SEM1: variants seen among roughly 807,000 people sequenced by gnomAD.
SEM1 encodes SEM1 26S proteasome subunit.
SEM1 carries 3 observed loss-of-function variants against 12.7 expected under a neutral mutation model. The ratio of observed to expected loss-of-function variants is 0.24; its 90% CI spans 0.11 to 0.61. The LOEUF is 0.61. Among genes scored for constraint, SEM1 ranks in the 20% least tolerant of loss-of-function variants. The pLI, the probability that SEM1 is intolerant of heterozygous loss-of-function variation, is 0.88. For missense variants in SEM1, 59 were observed against 81.3 expected, an observed-to-expected ratio of 0.73 and a Z score of 1.06; for synonymous variants, 30 against 27.8, an observed-to-expected ratio of 1.08 and a Z score of -0.25.
intron 2 of SEM1, among the ~76,000 whole-genome samples, chr7:96,511,392 G>C (rs1212020972): frequency 2.6e-5 from 4 of 152,108 alleles, no homozygotes; most frequent in East Asian, 3.9e-4. Context: ...TTCCAAGAGA[G>C]AGATTCTTTT....
chr7:96,526,629 C>T (rs999943496), intron 2 of SEM1, among the ~76,000 whole-genome samples: 27 of 152,064 alleles, frequency 1.8e-4, no homozygotes, highest in African/African-American at 6.3e-4. Context: ...CCAAACAGTG[C>T]CTTCCTTGAT....
intron 2 of SEM1, among the ~76,000 whole-genome samples, chr7:96,637,536 C>A (rs1429132346): frequency 6.6e-6 from 1 of 151,992 alleles, no homozygotes; most frequent in African/African-American, 2.4e-5. Context: ...TCTCTTTAAA[C>A]TTTACTTTTA....
At chr7:96,693,906 G>C (rs927133836) in intron 2 of SEM1, among the ~76,000 whole-genome samples, 5 of 151,780 alleles carry the variant, frequency 3.3e-5, no homozygotes, top group African/African-American at 1.2e-4. Flanking sequence ...GAAACAGTCT[G>C]AATGTCCATC....
At chr7:96,650,782 T>A (rs936050798) in intron 2 of SEM1, among the ~76,000 whole-genome samples, 2 of 152,158 alleles carry the variant, frequency 1.3e-5, no homozygotes, top group Admixed American at 6.5e-5. Context: ...TCTCTCTTTT[T>A]TAAATATCTT....
At chr7:96,653,542 A>C (rs1406242244) in intron 2 of SEM1, among the ~76,000 whole-genome samples, 1 of 152,218 alleles carries the variant, frequency 6.6e-6, no homozygotes, top group African/African-American at 2.4e-5. Context: ...AGCAATGGGA[A>C]GAGGAATGGC....
intron 2 of SEM1, among the ~76,000 whole-genome samples, chr7:96,511,756 T>A (rs1803941523): frequency 6.6e-6 from 1 of 152,122 alleles, no homozygotes; most frequent in Admixed American, 6.6e-5. Flanking sequence ...AAAATGGACA[T>A]TACTTTTTTT....
chr7:96,617,434 T>A (rs1807754411), intron 2 of SEM1, among the ~76,000 whole-genome samples: 1 of 152,208 alleles, frequency 6.6e-6, no homozygotes. Flanking sequence ...CTAATAATTT[T>A]CTAGTAGAGT....
At chr7:96,616,787 C>T (rs1807735151) in intron 2 of SEM1, among the ~76,000 whole-genome samples, 1 of 152,098 alleles carries the variant, frequency 6.6e-6, no homozygotes, top group Non-Finnish European at 1.5e-5. Context: ...TTTCCCAGCA[C>T]CATTTATTGA....
intron 2 of SEM1, among the ~76,000 whole-genome samples, chr7:96,599,141 G>C (rs17495340): frequency 0.06 from 9,147 of 152,120 alleles, 336 homozygotes; most frequent in Middle Eastern, 0.11. Context: ...TTCTCTTTGC[G>C]GCCTGTCACA....
chr7:96,495,297 C>A (rs1351489996), intron 1 of SEM1, among the ~76,000 whole-genome samples: 1 of 152,054 alleles, frequency 6.6e-6, no homozygotes. Context: ...AAATTTGGAG[C>A]TAACATGACT....
chr7:96,671,233 A>G (rs985911015), downstream of SEM1, among the ~76,000 whole-genome samples: 5 of 152,230 alleles, frequency 3.3e-5, no homozygotes, highest in South Asian at 2.1e-4. Context: ...ACTTAAGTCT[A>G]TCCCTTTTCT....
intron 2 of SEM1, among the ~76,000 whole-genome samples, chr7:96,511,311 C>T (rs1351405141): frequency 2.0e-5 from 3 of 152,024 alleles, no homozygotes; most frequent in Non-Finnish European, 2.9e-5. Flanking sequence ...CTAGTCCAAT[C>T]GAGTGGAGAG....
intron 2 of SEM1, among the ~76,000 whole-genome samples, chr7:96,646,168 T>G (rs1167839380): frequency 6.6e-6 from 1 of 152,180 alleles, no homozygotes; most frequent in Non-Finnish European, 1.5e-5. Flanking sequence ...CTTTTTTCTT[T>G]TTTGTAAATA....
At chr7:96,628,158 T>C (rs1239974747) in intron 2 of SEM1, among the ~76,000 whole-genome samples, 2 of 152,068 alleles carry the variant, frequency 1.3e-5, no homozygotes, top group Non-Finnish European at 2.9e-5. Flanking sequence ...TGTGTCTTTA[T>C]AGTTATCTTT....
At chr7:96,673,688 G>A (rs1672503186) in exon 3 of SEM1, 1 of 747,230 alleles carries the variant, frequency 1.3e-6, no homozygotes, top group African/African-American at 1.7e-5. Flanking sequence ...CTCAATAATA[G>A]CTCTCCAATC....
intron 2 of SEM1, among the ~76,000 whole-genome samples, chr7:96,655,435 C>T (rs1809146379): frequency 6.9e-6 from 1 of 144,812 alleles, no homozygotes; most frequent in South Asian, 2.2e-4. Context: ...AAAATCAATG[C>T]AAATACCTTT....
chr7:96,484,061 A>G, intron 3 of SEM1: 4 of 1,330,994 alleles, frequency 3.0e-6, no homozygotes, highest in East Asian at 2.5e-5. Flanking sequence ...AACTTATTCA[A>G]TCTTCACAAC....
intron 2 of SEM1, among the ~76,000 whole-genome samples, chr7:96,548,130 CATA>C (rs1463370964): frequency 1.3e-5 from 2 of 152,012 alleles, no homozygotes; most frequent in African/African-American, 2.4e-5. Context: ...AAAAATTGAA[CATA>C]ATGTTTGTAG....
intron 2 of SEM1, among the ~76,000 whole-genome samples, chr7:96,655,609 C>A (rs1448201690): frequency 6.6e-6 from 1 of 151,968 alleles, no homozygotes; most frequent in Non-Finnish European, 1.5e-5. Flanking sequence ...ATTGTACAGT[C>A]CAAAAAGTTT....
Sources: gnomAD v4.1 joint callset for allele counts (sites outside exome capture counted in the v4.1 genomes callset) on GRCh38, gnomAD v4.1.1 for gene constraint, MANE v1.5 for transcripts, NCBI Gene and HGNC (gene_info 2026-07-23, HGNC 2026-07-21) for gene names.